The following TJP1 variants were observed in gnomAD, a reference collection of about 807,000 sequenced individuals.
TJP1 encodes the protein tight junction protein 1.
Under a neutral mutation model 194.2 loss-of-function variants are expected in TJP1, and 43 were observed. The ratio of observed to expected loss-of-function variants is 0.22; its 90% CI spans 0.17 to 0.29. The LOEUF (loss-of-function observed/expected upper bound fraction) is 0.29. TJP1 is among the 10% of genes least tolerant of loss of function. The probability of loss-of-function intolerance (pLI) is 1.00; values close to 1 mark genes in which losing one functional copy is unlikely to be tolerated. For synonymous variants in TJP1, 801 were observed against 779.0 expected, an observed-to-expected ratio of 1.03 and a Z score of -0.47; for missense variants, 1,971 against 2,185.7, an observed-to-expected ratio of 0.90 and a Z score of 1.96.
rs2041854417 is a variant in TJP1, at chr15:29,705,710, C to CCATCTT, written c.4880_4885dup (p.Glu1627_Asp1628dup). On this transcript the variant is annotated inframe_insertion, in exon 26 of 28. Transcript: ENST00000614355. Reference sequence around the variant, plus strand: ...TCGGGCTGTGGCCACCACAGTATGACCATCTTCATCTTCATCCTCTTCCAC... The same window carrying CCATCTT: ...TCGGGCTGTGGCCACCACAGTATGACCATCTTCATCTTCATCTTCATCCTCTTCCAC... 1.2e-6 allele frequency: 2 copies of CCATCTT among 1,614,118 alleles called. No homozygotes were observed. Among genetic ancestry groups the CCATCTT allele is most frequent in the Non-Finnish European group, 1.7e-6 (2 of 1,180,022 alleles).
At chr15:29,742,873 C>G in intron 8 of TJP1, 92 bp from the exon 9 acceptor site, 2 of 1,183,638 alleles carry the variant, frequency 1.7e-6, no homozygotes, top group East Asian at 5.6e-5. Context: ...AATGCAACTT[C>G]AAAAACAATG....
chr15:29,822,037 T>G lies in TJP1; in HGVS notation c.-9A>C. On this transcript the variant is annotated 5_prime_UTR_variant, in exon 1 of 28. Coordinates refer to ENST00000614355, the MANE Select transcript of TJP1 (RefSeq NM_001330239.4). Reference sequence around the variant, plus strand: ...GCAGCTCTGGCGGACATCTTGTCTCTCTCCAGCGCCGCGCGAGGCTCCTCG... The same window carrying G: ...GCAGCTCTGGCGGACATCTTGTCTCGCTCCAGCGCCGCGCGAGGCTCCTCG... 7.5e-7 allele frequency: 1 copy of G among 1,326,042 alleles called. No individual in the cohort carries two copies. Among genetic ancestry groups the G allele is most frequent in the Non-Finnish European group, 9.7e-7 (1 of 1,036,242 alleles). 82.1% of individuals were successfully genotyped at this position (1,326,042 alleles called of 1,614,324 possible). A position where few individuals can be genotyped will look rare whatever the true frequency, so the allele number is the denominator to read the frequency against.
intron 15 of TJP1, among the ~76,000 whole-genome samples, chr15:29,731,521 A>AT (rs548454761): frequency 6.3e-4 from 96 of 152,290 alleles, no homozygotes; most frequent in Admixed American, 2.0e-3. Context: ...AAATTCTGCC[A>AT]TTTTCGTTTC....
intron 1 of TJP1, among the ~76,000 whole-genome samples, chr15:29,960,450 T>C (rs1438718581): frequency 6.6e-6 from 1 of 151,232 alleles, no homozygotes; most frequent in Non-Finnish European, 1.5e-5. Flanking sequence ...TTGGGCAACA[T>C]AGAGAGATCC....
In TJP1 at chr15:29,821,979, CTGGCGGCCGCGGAGGCGCTCACCT is replaced by C. The variant is rs1390478024; in HGVS notation, c.26_27+22del. Reference sequence around the variant, plus strand: ...CGGCGACGGTCGGCCCGGTCTGGCCCTGGCGGCCGCGGAGGCGCTCACCTTGGCGGCCGCAGCTCTGGCGGACAT... The same window carrying C: ...CGGCGACGGTCGGCCCGGTCTGGCCCTGGCGGCCGCAGCTCTGGCGGACAT... On this transcript the variant is annotated splice_donor_variant and splice_donor_5th_base_variant and coding_sequence_variant and intron_variant, in exon 1 of 28. Transcript: ENST00000614355. LOFTEE classifies it high-confidence loss of function. 3.1e-6 allele frequency: 4 copies of C among 1,298,860 alleles called. No individual in the cohort carries two copies. Among genetic ancestry groups the C allele is most frequent in the Middle Eastern group, 2.4e-4 (1 of 4,096 alleles). 80.5% of individuals were successfully genotyped at this position (1,298,860 alleles called of 1,614,324 possible).
chr15:29,949,598 ACCACCT>A (rs771902873), intron 2 of TJP1, among the ~76,000 whole-genome samples: 9,358 of 81,642 alleles, frequency 0.11, 599 homozygotes, highest in Non-Finnish European at 0.16. Flanking sequence ...CTCCACAACC[ACCACCT>A]CCACCTTCAC....
intron 1 of TJP1, among the ~76,000 whole-genome samples, chr15:29,803,981 T>G (rs1262876953): frequency 6.6e-6 from 1 of 151,834 alleles, no homozygotes; most frequent in African/African-American, 2.4e-5. Context: ...CTAAACCAAC[T>G]TAATCCATAA....
chr15:29,732,874 C>A, intron 13 of TJP1, 59 bp from the exon 14 acceptor site: 1 of 1,461,056 alleles, frequency 6.8e-7, no homozygotes. Flanking sequence ...TGGAAAAAGA[C>A]CCACAATGAA....
At chr15:29,799,543 T>C (rs1212000174) in intron 2 of TJP1, among the ~76,000 whole-genome samples, 1 of 151,542 alleles carries the variant, frequency 6.6e-6, no homozygotes, top group East Asian at 1.9e-4. Context: ...GCCTCCCGAG[T>C]AGCTGGGACT....
chr15:29,736,529 T>C (rs1188287080), intron 11 of TJP1, among the ~76,000 whole-genome samples: 1 of 152,184 alleles, frequency 6.6e-6, no homozygotes, highest in East Asian at 1.9e-4. Context: ...ACCTTCTGAT[T>C]AAAATGGGAC....
intron 2 of TJP1, among the ~76,000 whole-genome samples, chr15:29,773,683 T>A (rs1283334312): frequency 6.6e-6 from 1 of 152,242 alleles, no homozygotes; most frequent in African/African-American, 2.4e-5. Context: ...CAGAGCCCAG[T>A]GTGATCATCA....
At chr15:29,957,849 A>G (rs897734218) in intron 1 of TJP1, among the ~76,000 whole-genome samples, 1 of 152,154 alleles carries the variant, frequency 6.6e-6, no homozygotes, top group Non-Finnish European at 1.5e-5. Context: ...AGCTTTACAA[A>G]TTTACACTTC....
intron 2 of TJP1, among the ~76,000 whole-genome samples, chr15:29,798,619 T>G (rs762482510): frequency 1.3e-5 from 2 of 152,178 alleles, no homozygotes; most frequent in Non-Finnish European, 2.9e-5. Flanking sequence ...AATTTGACCA[T>G]TTCTTTAAAA....
intron 11 of TJP1, 106 bp from the exon 12 acceptor site, chr15:29,734,488 CTT>C (rs11398830): frequency 9.2e-4 from 511 of 555,604 alleles, no homozygotes; most frequent in South Asian, 1.4e-3. Context: ...AATATCACAT[CTT>C]TTTTTTTTTT....
intron 2 of TJP1, among the ~76,000 whole-genome samples, chr15:29,954,326 A>G (rs1307176010): frequency 6.6e-6 from 1 of 152,214 alleles, no homozygotes; most frequent in African/African-American, 2.4e-5. Flanking sequence ...CCTCTCCACC[A>G]ACCAGAATGA....
At chr15:29,846,311 C>T (rs1478831978) in intron 2 of TJP1, among the ~76,000 whole-genome samples, 1 of 152,144 alleles carries the variant, frequency 6.6e-6, no homozygotes, top group Admixed American at 6.5e-5. Flanking sequence ...CCCCCCAGTT[C>T]TAGGATGGCA....
At chr15:29,848,412 T>C (rs542011952) in intron 2 of TJP1, among the ~76,000 whole-genome samples, 18 of 152,360 alleles carry the variant, frequency 1.2e-4, no homozygotes, top group African/African-American at 2.9e-4. Context: ...TATGAACATT[T>C]ATATTTTAAG....
At chr15:29,876,388 G>A (rs888054260) in intron 2 of TJP1, among the ~76,000 whole-genome samples, 1 of 152,094 alleles carries the variant, frequency 6.6e-6, no homozygotes, top group Non-Finnish European at 1.5e-5. Flanking sequence ...AGGCGTGGTG[G>A]TGCATGTCTG....
At chr15:29,963,661 T>C (rs1351973775) in intron 1 of TJP1, among the ~76,000 whole-genome samples, 1 of 152,316 alleles carries the variant, frequency 6.6e-6, no homozygotes, top group Admixed American at 6.5e-5. Context: ...CTGTAAATAC[T>C]TTTTTCTTTT....
Sources: gnomAD v4.1 joint callset for allele counts (sites outside exome capture counted in the v4.1 genomes callset) on GRCh38, gnomAD v4.1.1 for gene constraint, MANE v1.5 for transcripts, NCBI Gene and HGNC (gene_info 2026-07-23, HGNC 2026-07-21) for gene names.